Variants in IL26 observed in about 807,000 individuals in gnomAD.
The protein encoded by IL26 is interleukin-26.
A neutral mutation model predicts 21.7 loss-of-function variants in IL26; 23 were observed. That is an observed-to-expected ratio of 1.06 (90% CI 0.76 to 1.50). The LOEUF is 1.50. Among genes scored for constraint, IL26 ranks in the 40% most tolerant of loss-of-function variants. IL26 has a pLI of 0.00. For synonymous variants in IL26, 63 were observed against 67.8 expected (o/e 0.93, Z 0.34); for missense variants, 204 against 196.0 (o/e 1.04, Z -0.24).
At chr12:68,214,798 T>C (rs1868827807) in intron 3 of IL26, among the ~76,000 whole-genome samples, 2 of 152,136 alleles carry the variant, frequency 1.3e-5, no homozygotes, top group African/African-American at 4.8e-5. Flanking sequence ...CACTCTGTCA[T>C]TTAATTAGAA....
chr12:68,210,337 GCAAAAAAAAAAAAAAAAAAAAAA>G (rs1868675706), intron 3 of IL26, among the ~76,000 whole-genome samples: 3 of 3,154 alleles, frequency 9.5e-4, no homozygotes, highest in Non-Finnish European at 2.5e-3. Context: ...TATCAGTTTG[GCAAAAAAAAAAAAAAAAAAAAAA>G]AAAAAAAAAA....
intron 3 of IL26, among the ~76,000 whole-genome samples, chr12:68,222,243 A>C (rs961477195): frequency 2.0e-5 from 3 of 152,242 alleles, no homozygotes; most frequent in Non-Finnish European, 4.4e-5. Context: ...TAATTACTGG[A>C]TTCTTCAAAT....
chr12:68,221,215 G>C, intron 3 of IL26, among the ~76,000 whole-genome samples: 1 of 152,068 alleles, frequency 6.6e-6, no homozygotes, highest in East Asian at 1.9e-4. Flanking sequence ...CTTGGTCATT[G>C]ACAAATTCAT....
In IL26 at chr12:68,225,619, A is replaced by G; in HGVS notation, c.138T>C (p.Tyr46=). Residue 46 remains tyrosine (Y), a synonymous_variant, in exon 1 of 5, where the codon TAT becomes TAC. Coordinates refer to ENST00000229134, the MANE Select transcript of IL26 (RefSeq NM_018402.2). ...TTGCTTTGAGCCATGCTGCTTTGAT[A>G]TAGAGAGCGTCAACAGCTTGGGACA... ...GTLSQAVDAL[Y]IKAAWLKATI... The G allele has an allele frequency of 6.2e-7, 1 of 1,614,082 alleles. No homozygotes were observed.
In IL26 at chr12:68,201,594, A is replaced by C. The variant is rs1296783048; in HGVS notation, c.*251T>G. On this transcript the variant is annotated 3_prime_UTR_variant, in exon 5 of 5. Transcript: ENST00000229134. Reference sequence around the variant, plus strand: ...ACATACTTTAAATTAAGTTGACACAATGTACTTGTGAATGACAAAACATGT... The same window carrying C: ...ACATACTTTAAATTAAGTTGACACACTGTACTTGTGAATGACAAAACATGT... The C allele has an allele frequency of 5.7e-6, 2 of 350,514 alleles. No homozygotes were observed. The highest frequency in any genetic ancestry group is 4.3e-5 in the African/African-American group (2 of 47,018). 21.7% of individuals were successfully genotyped at this position (350,514 alleles called of 1,614,324 possible). A position where few individuals can be genotyped will look rare whatever the true frequency, so the allele number is the denominator to read the frequency against.
At chr12:68,219,502 T>C (rs573609882) in intron 3 of IL26, among the ~76,000 whole-genome samples, 59 of 151,902 alleles carry the variant, frequency 3.9e-4, no homozygotes, top group African/African-American at 1.3e-3. Flanking sequence ...AAGCACAACA[T>C]AGCAAAGATT....
intron 3 of IL26, among the ~76,000 whole-genome samples, chr12:68,210,310 T>G: frequency 1.2e-5 from 1 of 82,390 alleles, no homozygotes; most frequent in East Asian, 3.6e-4. Flanking sequence ...GTTTAAAAAA[T>G]AGACTAAATA....
At chr12:68,216,454 A>G (rs1328848509) in intron 3 of IL26, among the ~76,000 whole-genome samples, 2 of 152,244 alleles carry the variant, frequency 1.3e-5, no homozygotes, top group African/African-American at 4.8e-5. Context: ...ATGAAAAGCA[A>G]TAAAGGAAGC....
At chr12:68,209,315 T>C (rs974806246) in intron 3 of IL26, among the ~76,000 whole-genome samples, 3 of 152,152 alleles carry the variant, frequency 2.0e-5, no homozygotes, top group African/African-American at 4.8e-5. Flanking sequence ...AGACTATTTA[T>C]TGGTGATCAA....
intron 2 of IL26, 36 bp downstream of exon 2, chr12:68,225,408 T>A: frequency 1.3e-6 from 2 of 1,533,918 alleles, no homozygotes; most frequent in Non-Finnish European, 1.8e-6. Flanking sequence ...ATCAAATAAG[T>A]GGAAATGTAA....
chr12:68,210,338 C>CAAAAAAAAAAAAAAAAAA (rs540693081), intron 3 of IL26, among the ~76,000 whole-genome samples: 9 of 22,094 alleles, frequency 4.1e-4, no homozygotes, highest in Non-Finnish European at 7.1e-4. Flanking sequence ...ATCAGTTTGG[C>CAAAAAAAAAAAAAAAAAA]AAAAAAAAAA....
chr12:68,223,332 T>C (rs1414446068), intron 3 of IL26, among the ~76,000 whole-genome samples: 1 of 152,126 alleles, frequency 6.6e-6, no homozygotes, highest in Non-Finnish European at 1.5e-5. Flanking sequence ...AGCCAGACCC[T>C]TTGGGAAGCA....
intron 3 of IL26, among the ~76,000 whole-genome samples, chr12:68,205,797 T>C (rs1244664914): frequency 1.3e-5 from 2 of 152,236 alleles, no homozygotes; most frequent in East Asian, 3.8e-4. Flanking sequence ...CCTCGTATCA[T>C]AGAAAAGTTC....
At chr12:68,213,725 T>A (rs762686455) in intron 3 of IL26, among the ~76,000 whole-genome samples, 11 of 152,110 alleles carry the variant, frequency 7.2e-5, no homozygotes, top group Admixed American at 2.0e-4. Flanking sequence ...AGTTGTTATG[T>A]CTCTTTTTTC....
chr12:68,204,244 C>T (rs1013537053), intron 3 of IL26, among the ~76,000 whole-genome samples: 3 of 150,186 alleles, frequency 2.0e-5, no homozygotes, highest in Middle Eastern at 3.4e-3. Context: ...CCGGGGTTCA[C>T]GCCATTCCCC....
At chr12:68,211,425 T>G (rs1042691410) in intron 3 of IL26, among the ~76,000 whole-genome samples, 1 of 152,210 alleles carries the variant, frequency 6.6e-6, no homozygotes, top group African/African-American at 2.4e-5. Flanking sequence ...ATATATCCAG[T>G]AGTGAGATTG....
intron 3 of IL26, among the ~76,000 whole-genome samples, chr12:68,223,231 G>C (rs1042040165): frequency 6.6e-6 from 1 of 152,152 alleles, no homozygotes; most frequent in African/African-American, 2.4e-5. Flanking sequence ...TGATAGGCTT[G>C]AGGTGGGAGC....
chr12:68,224,819 CAAG>C (rs1311000965), intron 3 of IL26, among the ~76,000 whole-genome samples: 3 of 151,586 alleles, frequency 2.0e-5, no homozygotes, highest in Non-Finnish European at 2.9e-5. Context: ...AGTTGGTACT[CAAG>C]AAATATTAAA....
chr12:68,211,939 A>G (rs1868745172), intron 3 of IL26, among the ~76,000 whole-genome samples: 3 of 151,792 alleles, frequency 2.0e-5, no homozygotes, highest in African/African-American at 4.8e-5. Flanking sequence ...GACTTACTCA[A>G]AAAAAAATCT....
Sources: gnomAD v4.1 joint callset for allele counts (sites outside exome capture counted in the v4.1 genomes callset) on GRCh38, gnomAD v4.1.1 for gene constraint, MANE v1.5 for transcripts, NCBI Gene and HGNC (gene_info 2026-07-23, HGNC 2026-07-21) for gene names.